Variants in MGME1 observed in about 807,000 individuals in gnomAD.
MGME1 encodes the protein chromosome 20 open reading frame 72.
In MGME1, 22 loss-of-function variants were observed where a neutral mutation model predicts 33.0. The observed-to-expected ratio is 0.67, with a 90% CI of 0.48 to 0.95. The LOEUF is 0.95. Among genes scored for constraint, MGME1 ranks in the 40% least tolerant of loss-of-function variants. The pLI is 0.00. For missense variants in MGME1, 383 were observed against 397.8 expected (o/e 0.96, Z 0.32); for synonymous variants, 133 against 144.0 (o/e 0.92, Z 0.55).
At chr20:17,985,050 A>G (rs886718049) in intron 3 of MGME1, among the ~76,000 whole-genome samples, 4 of 144,216 alleles carry the variant, frequency 2.8e-5, no homozygotes, top group South Asian at 4.4e-4. Context: ...AAAAAAAAAA[A>G]AAAAAAAGAA....
rs1408770945 is a variant in MGME1, at chr20:17,974,074, T to TG, written c.512-1610_512-1609insG. ...GTCTCTTTGTGTGTTTTTTTTTTTT[T>TG]TTTTTTTTTTGAGATTGTCTTGCTC... is the stretch of plus-strand genomic sequence containing the variant. On this transcript the variant is annotated intron_variant, in intron 2 of 4. Transcript: ENST00000377710. Among the ~76,000 whole-genome samples the TG allele has an allele frequency of 2.7e-5, 4 of 146,882 alleles. No individual in the cohort carries two copies. In the East Asian group the frequency reaches 7.9e-4, roughly 29 times the overall value.
At chr20:17,987,554 A>AT (rs562215299) in intron 3 of MGME1, among the ~76,000 whole-genome samples, 321 of 150,144 alleles carry the variant, frequency 2.1e-3, no homozygotes, top group Non-Finnish European at 4.0e-3. Flanking sequence ...TTTCAGCTGT[A>AT]TTTTTTTTTT....
intron 3 of MGME1, among the ~76,000 whole-genome samples, chr20:17,983,002 ATTC>A (rs2036062467): frequency 6.6e-6 from 1 of 152,120 alleles, no homozygotes; most frequent in Admixed American, 6.6e-5. Context: ...ACTAAAATTT[ATTC>A]TTCTGACCTA....
At chr20:17,974,066 T>TG (rs2035797960) in intron 2 of MGME1, among the ~76,000 whole-genome samples, 8 of 140,722 alleles carry the variant, frequency 5.7e-5, no homozygotes, top group Non-Finnish European at 1.2e-4. Flanking sequence ...TGTGTGTTTT[T>TG]TTTTTTTTTT....
chr20:17,975,637 CTTTG>C (rs1332482568), intron 2 of MGME1, 43 bp from the exon 3 acceptor site: 2 of 1,372,010 alleles, frequency 1.5e-6, no homozygotes, highest in Middle Eastern at 1.8e-4. Context: ...TCAGTGTTAG[CTTTG>C]TTTGTGTTTC....
rs1364211129 is a variant in MGME1 at position 17,990,253 on chromosome 20, G to A, written c.*144G>A. The A allele has an allele frequency of 5.3e-6, 4 of 759,448 alleles. No individual in the cohort carries two copies. The Admixed American group carries it at 1.0e-4, about 20-fold the overall frequency. 47.0% of individuals were successfully genotyped at this position (759,448 alleles called of 1,614,324 possible). A position where few individuals can be genotyped will look rare whatever the true frequency, so the allele number is the denominator to read the frequency against. On this transcript the variant is annotated 3_prime_UTR_variant, in exon 5 of 5. Transcript: ENST00000377710. ...TAGAAGTATTAATTTGTTGAAATGT[G>A]TTGTTACCAAAAAGACTGAAAAGCC...
At position 17,986,584 on chromosome 20, in the gene MGME1, T is replaced by C. The variant is rs1482461818; in HGVS notation, c.732-1582T>C. ...CATGTTGCCCAGGCTGGTCTCGGGCTCCTGAGCTCAAGCAGTCCACCTGCC... is the reference window on the plus strand; with the variant it reads ...CATGTTGCCCAGGCTGGTCTCGGGCCCCTGAGCTCAAGCAGTCCACCTGCC... On this transcript the variant is annotated intron_variant, in intron 3 of 4. Transcript: ENST00000377710. Among the ~76,000 whole-genome samples the C allele has an allele frequency of 5.3e-5, 8 of 151,922 alleles. No homozygotes were observed. The East Asian group carries it at 1.6e-3, about 30-fold the overall frequency.
At chr20:17,987,511 T>C (rs2036184222) in intron 3 of MGME1, among the ~76,000 whole-genome samples, 1 of 152,200 alleles carries the variant, frequency 6.6e-6, no homozygotes, top group Non-Finnish European at 1.5e-5. Flanking sequence ...GAAATGATAT[T>C]TTGGATATGT....
In MGME1 at chr20:17,975,835, T is replaced by G; in HGVS notation, c.663T>G (p.Ala221=). The G allele has an allele frequency of 6.2e-7, 1 of 1,614,136 alleles. No homozygotes were observed. Among genetic ancestry groups the G allele is most frequent in the Non-Finnish European group, 8.5e-7 (1 of 1,180,022 alleles). ...HILKDVSGVR[A]LESAVQHETL... ...TGAAAGATGTCAGTGGAGTGCGAGCTCTTGAAAGTGCTGTTCAACATGAAA... is the reference window on the plus strand; with the variant it reads ...TGAAAGATGTCAGTGGAGTGCGAGCGCTTGAAAGTGCTGTTCAACATGAAA... Residue 221 remains alanine, a synonymous_variant, in exon 3 of 5, where the codon GCT becomes GCG. Transcript: ENST00000377710.
intron 2 of MGME1, among the ~76,000 whole-genome samples, chr20:17,973,061 C>A (rs1028042287): frequency 4.6e-5 from 7 of 152,080 alleles, no homozygotes; most frequent in African/African-American, 1.7e-4. Flanking sequence ...ATTGACATTT[C>A]CAGCTGGGCA....
chr20:17,973,828 G>C (rs1362270693), intron 2 of MGME1, among the ~76,000 whole-genome samples: 1 of 152,138 alleles, frequency 6.6e-6, no homozygotes, highest in Admixed American at 6.5e-5. Flanking sequence ...CAGGCTGCCT[G>C]TCCAGCTTTT....
intron 3 of MGME1, 104 bp from the exon 4 acceptor site, chr20:17,988,062 C>A: frequency 8.7e-7 from 1 of 1,145,436 alleles, no homozygotes; most frequent in South Asian, 1.6e-5. Context: ...GAGCAATGGT[C>A]ATTGGCTGAC....
chr20:17,977,693 G>C (rs563784932), intron 3 of MGME1, among the ~76,000 whole-genome samples: 1 of 152,310 alleles, frequency 6.6e-6, no homozygotes, highest in Non-Finnish European at 1.5e-5. Context: ...TCGTTCTCCA[G>C]ATATCAGGGT....
At chr20:17,979,399 T>C (rs945705680) in intron 3 of MGME1, among the ~76,000 whole-genome samples, 1 of 151,242 alleles carries the variant, frequency 6.6e-6, no homozygotes, top group Non-Finnish European at 1.5e-5. Context: ...TTATTTTTGT[T>C]ATTTTTTTAA....
At chr20:17,971,481 TGATA>T (rs2035727443) in intron 2 of MGME1, among the ~76,000 whole-genome samples, 1 of 152,184 alleles carries the variant, frequency 6.6e-6, no homozygotes, top group South Asian at 2.1e-4. Context: ...AATTTAGAAT[TGATA>T]GTTTTCTCAT....
chr20:17,982,739 T>C (rs979179072), intron 3 of MGME1, among the ~76,000 whole-genome samples: 1 of 152,228 alleles, frequency 6.6e-6, no homozygotes, highest in Non-Finnish European at 1.5e-5. Context: ...TACTGTACTT[T>C]TAATTTGGGT....
At chr20:17,974,919 C>T (rs2035821265) in intron 2 of MGME1, among the ~76,000 whole-genome samples, 1 of 152,102 alleles carries the variant, frequency 6.6e-6, no homozygotes, top group African/African-American at 2.4e-5. Flanking sequence ...TGTCACTAAT[C>T]CTGTTAGTAA....
chr20:17,975,733 T>C lies in MGME1; in HGVS notation c.561T>C (p.Leu187=), dbSNP rs373816138. 1.2e-6 allele frequency: 2 copies of C among 1,613,972 alleles called. No homozygotes were observed. The highest frequency in any genetic ancestry group is 1.3e-5 in the African/African-American group (1 of 74,872). Residue 187 remains leucine, a synonymous_variant, in exon 3 of 5, where the codon CTT becomes CTC. Coordinates refer to ENST00000377710, the MANE Select transcript of MGME1 (RefSeq NM_052865.4). ...KRFHEALESI[L]SPQETLKERD... ...TCCACGAAGCCTTGGAAAGCATACT[T>C]TCACCCCAGGAAACCTTAAAAGAGA...
chr20:17,974,413 C>T (rs892355221), intron 2 of MGME1, among the ~76,000 whole-genome samples: 3 of 152,196 alleles, frequency 2.0e-5, no homozygotes, highest in Non-Finnish European at 4.4e-5. Flanking sequence ...ACTATGCAAG[C>T]GCTTGGAGGC....
Sources: gnomAD v4.1 joint callset for allele counts (sites outside exome capture counted in the v4.1 genomes callset) on GRCh38, gnomAD v4.1.1 for gene constraint, MANE v1.5 for transcripts, NCBI Gene and HGNC (gene_info 2026-07-23, HGNC 2026-07-21) for gene names.